YEATS4: variants seen among roughly 807,000 people sequenced by gnomAD.
The protein encoded by YEATS4 is YEATS domain containing 4.
In YEATS4, 17 loss-of-function variants were observed where a neutral mutation model predicts 30.1. The observed-to-expected ratio is 0.56, with a 90% CI of 0.39 to 0.85. The LOEUF (loss-of-function observed/expected upper bound fraction) is 0.85. YEATS4 is among the 40% of genes least tolerant of loss of function. YEATS4 has a pLI of 0.00. For synonymous variants in YEATS4, 85 were observed against 87.5 expected (o/e 0.97, Z 0.16); for missense variants, 142 against 268.3 (o/e 0.53, Z 3.29).
At chr12:69,418,719 A>G in the YEATS4 span, among the ~76,000 whole-genome samples, 1 of 152,072 alleles carries the variant, frequency 6.6e-6, no homozygotes, top group South Asian at 2.1e-4. Context: ...TAAAGCCTAC[A>G]TAATCTAAAT....
At chr12:69,388,887 G>A (rs1044712797) in intron 6 of YEATS4, among the ~76,000 whole-genome samples, 7 of 152,230 alleles carry the variant, frequency 4.6e-5, no homozygotes, top group Non-Finnish European at 7.4e-5. Flanking sequence ...ACTTGAACCC[G>A]GGAGTGAGAG....
intron 1 of YEATS4, 100 bp from the exon 2 acceptor site, chr12:69,362,688 G>T: frequency 1.2e-6 from 1 of 869,512 alleles, no homozygotes; most frequent in Non-Finnish European, 1.6e-6. Context: ...ACTATAGATT[G>T]TTAGCCTGCC....
At chr12:69,396,204 TC>T in the YEATS4 span, among the ~76,000 whole-genome samples, 1 of 152,250 alleles carries the variant, frequency 6.6e-6, no homozygotes, top group Non-Finnish European at 1.5e-5. Flanking sequence ...ATTGTTGCTG[TC>T]TGAAAATTTC....
intron 6 of YEATS4, among the ~76,000 whole-genome samples, chr12:69,373,258 A>G (rs1002233108): frequency 4.6e-5 from 7 of 152,214 alleles, no homozygotes; most frequent in Non-Finnish European, 1.0e-4. Flanking sequence ...TCCCACCAAC[A>G]GTATATAAGG....
At chr12:69,404,550 G>A in the YEATS4 span, among the ~76,000 whole-genome samples, 102 of 152,164 alleles carry the variant, frequency 6.7e-4, no homozygotes, top group African/African-American at 2.2e-3. Context: ...TGCTTTCATC[G>A]AATGGGAGGA....
At chr12:69,407,436 TAA>T in the YEATS4 span, among the ~76,000 whole-genome samples, 3 of 152,152 alleles carry the variant, frequency 2.0e-5, no homozygotes, top group African/African-American at 4.8e-5. Context: ...AAAAATATTA[TAA>T]GAGACACTTT....
In YEATS4 at chr12:69,365,892, G is replaced by T; in HGVS notation, c.333+8G>T. 1 of 1,542,558 alleles carries T rather than the reference G, an allele frequency of 6.5e-7. No individual in the cohort carries two copies. Among genetic ancestry groups the T allele is most frequent in the Non-Finnish European group, 8.8e-7 (1 of 1,136,586 alleles). On this transcript the variant is annotated splice_region_variant and intron_variant, in intron 4 of 6. Coordinates refer to ENST00000247843, the MANE Select transcript of YEATS4 (RefSeq NM_006530.4). ...GACCCTAATGAAAGACCTGTGAGTA[G>T]CATTAATCTTTGTAAATATAAAATA...
the YEATS4 span, among the ~76,000 whole-genome samples, chr12:69,406,006 C>T: frequency 6.6e-6 from 1 of 152,140 alleles, no homozygotes; most frequent in Non-Finnish European, 1.5e-5. Flanking sequence ...GCCTATGTTC[C>T]ACTATATGAA....
downstream of YEATS4, among the ~76,000 whole-genome samples, chr12:69,395,319 A>C (rs12426541): frequency 7.7e-3 from 1,173 of 152,334 alleles, 29 homozygotes; most frequent in Admixed American, 0.048. Flanking sequence ...ATAGAAAAAA[A>C]AATGGAAGCA....
chr12:69,377,594 A>G (rs1875919372), intron 6 of YEATS4, among the ~76,000 whole-genome samples: 1 of 152,052 alleles, frequency 6.6e-6, no homozygotes, highest in African/African-American at 2.4e-5. Context: ...TCATTGACCC[A>G]CTGGTCATTC....
the YEATS4 span, among the ~76,000 whole-genome samples, chr12:69,403,389 C>A: frequency 2.6e-5 from 4 of 152,086 alleles, no homozygotes; most frequent in East Asian, 7.8e-4. Flanking sequence ...CCAGCCCGGC[C>A]AACATGGCAA....
chr12:69,411,589 G>T, the YEATS4 span, among the ~76,000 whole-genome samples: 4 of 152,152 alleles, frequency 2.6e-5, no homozygotes, highest in South Asian at 6.2e-4. Context: ...TTCATGATAC[G>T]GGAAAAAGAA....
chr12:69,405,963 T>C, the YEATS4 span, among the ~76,000 whole-genome samples: 1 of 152,316 alleles, frequency 6.6e-6, no homozygotes, highest in Non-Finnish European at 1.5e-5. Context: ...ACTTTGCAAA[T>C]AAGCACATAC....
the YEATS4 span, among the ~76,000 whole-genome samples, chr12:69,406,940 A>AAGTAG: frequency 1.9e-4 from 29 of 151,696 alleles, no homozygotes; most frequent in Non-Finnish European, 3.4e-4. Flanking sequence ...TTAGCCTCCC[A>AAGTAG]AGTAGCTGGG....
At chr12:69,406,615 C>G in the YEATS4 span, among the ~76,000 whole-genome samples, 1 of 151,904 alleles carries the variant, frequency 6.6e-6, no homozygotes, top group African/African-American at 2.4e-5. Flanking sequence ...ACTTATTGTT[C>G]ATCTGCATTT....
intron 6 of YEATS4, among the ~76,000 whole-genome samples, chr12:69,376,847 G>A (rs1381174058): frequency 6.6e-6 from 1 of 152,154 alleles, no homozygotes; most frequent in Non-Finnish European, 1.5e-5. Flanking sequence ...TTTCTTTGCT[G>A]GGAGACTTTT....
At chr12:69,383,835 G>C (rs10878972) in intron 6 of YEATS4, among the ~76,000 whole-genome samples, 33,771 of 152,104 alleles carry the variant, frequency 0.22, 4,310 homozygotes, top group African/African-American at 0.35. Flanking sequence ...AAGAGGAGCA[G>C]TAGTCTTTGA....
At chr12:69,375,121 G>A (rs1875805462) in intron 6 of YEATS4, among the ~76,000 whole-genome samples, 1 of 151,368 alleles carries the variant, frequency 6.6e-6, no homozygotes. Context: ...TGGCTGCTGG[G>A]CGGAGGGGCT....
chr12:69,362,040 CAG>C (rs538373263), intron 1 of YEATS4, among the ~76,000 whole-genome samples: 3,175 of 40,314 alleles, frequency 0.079, 60 homozygotes, highest in Middle Eastern at 0.19. Context: ...TTTTTGGAGA[CAG>C]AGGCTCGCTC....
Sources: allele counts gnomAD v4.1 joint callset (sites outside exome capture counted in the v4.1 genomes callset), GRCh38; gene constraint gnomAD v4.1.1; transcripts MANE v1.5; gene names NCBI Gene and HGNC (gene_info 2026-07-23, HGNC 2026-07-21).